Variants in NPFFR2 observed in about 807,000 individuals in gnomAD.
NPFFR2 encodes neuropeptide FF receptor 2.
NPFFR2 carries 15 observed loss-of-function variants against 13.1 expected under a neutral mutation model. The observed-to-expected ratio is 1.15, with a 90% CI of 0.77 to 1.76. The LOEUF (loss-of-function observed/expected upper bound fraction) is 1.76, where lower values mean the gene tolerates loss of function less well. Ranked by LOEUF, NPFFR2 falls within the 40% of genes most tolerant of loss-of-function variation. The probability of loss-of-function intolerance (pLI) is 0.00; values close to 1 mark genes in which losing one functional copy is unlikely to be tolerated. For missense variants in NPFFR2, 572 were observed against 503.5 expected (o/e 1.14, Z -1.30); for synonymous variants, 190 against 175.7 (o/e 1.08, Z -0.65).
At chr4:72,061,074 C>T (rs539857090) in intron 1 of NPFFR2, among the ~76,000 whole-genome samples, 4 of 152,246 alleles carry the variant, frequency 2.6e-5, no homozygotes, top group Non-Finnish European at 4.4e-5. Context: ...GGGAAAGCTG[C>T]TGCTGGCTGT....
At chr4:72,085,454 T>C (rs28375834) in intron 1 of NPFFR2, among the ~76,000 whole-genome samples, 3,961 of 152,266 alleles carry the variant, frequency 0.026, 136 homozygotes, top group African/African-American at 0.079. Context: ...ATATATTTTA[T>C]GTTTTTTCTC....
intron 1 of NPFFR2, among the ~76,000 whole-genome samples, chr4:72,103,657 C>G (rs1284676147): frequency 1.6e-4 from 25 of 151,922 alleles, no homozygotes; most frequent in Admixed American, 1.6e-3. Flanking sequence ...CAAAAAAAAT[C>G]TGTGAAGGCA....
intron 1 of NPFFR2, among the ~76,000 whole-genome samples, chr4:72,082,685 T>C (rs1282621929): frequency 6.6e-6 from 1 of 152,134 alleles, no homozygotes; most frequent in Non-Finnish European, 1.5e-5. Flanking sequence ...TCTACTATCT[T>C]AGCATTCTTA....
At chr4:72,107,961 C>CGA in intron 1 of NPFFR2, among the ~76,000 whole-genome samples, 1 of 151,900 alleles carries the variant, frequency 6.6e-6, no homozygotes, top group African/African-American at 2.4e-5. Flanking sequence ...AAACAGAGAT[C>CGA]TTACTTATTA....
intron 1 of NPFFR2, among the ~76,000 whole-genome samples, chr4:72,085,026 C>T (rs939685816): frequency 2.7e-5 from 4 of 149,164 alleles, no homozygotes; most frequent in Non-Finnish European, 5.9e-5. Flanking sequence ...GTTCTTTATT[C>T]GAGAACTATT....
At chr4:72,093,364 G>A (rs1314173452) in intron 1 of NPFFR2, among the ~76,000 whole-genome samples, 1 of 152,074 alleles carries the variant, frequency 6.6e-6, no homozygotes, top group East Asian at 1.9e-4. Context: ...TCTTGTATTT[G>A]GATGTCTAGA....
At chr4:72,103,300 T>G (rs938949257) in intron 1 of NPFFR2, among the ~76,000 whole-genome samples, 1 of 152,126 alleles carries the variant, frequency 6.6e-6, no homozygotes, top group Non-Finnish European at 1.5e-5. Flanking sequence ...GTGACAGCAT[T>G]GGCAGGAGGA....
intron 1 of NPFFR2, among the ~76,000 whole-genome samples, chr4:72,064,771 G>C (rs960141387): frequency 1.3e-5 from 2 of 152,164 alleles, no homozygotes; most frequent in Admixed American, 6.5e-5. Context: ...GAACATTTTA[G>C]TGTTCTACTG....
At chr4:72,125,515 A>T (rs1722013351) in intron 1 of NPFFR2, among the ~76,000 whole-genome samples, 1 of 152,350 alleles carries the variant, frequency 6.6e-6, no homozygotes, top group African/African-American at 2.4e-5. Flanking sequence ...CACATTTGTT[A>T]TCTTGTAGTT....
At chr4:72,127,243 G>A (rs1377193717) in intron 1 of NPFFR2, among the ~76,000 whole-genome samples, 3 of 110,806 alleles carry the variant, frequency 2.7e-5, no homozygotes, top group African/African-American at 7.2e-5. Flanking sequence ...GGTGGAGCTT[G>A]CAGTGAGCCG....
At chr4:72,049,262 T>C (rs2109763044) in intron 1 of NPFFR2, among the ~76,000 whole-genome samples, 1 of 152,262 alleles carries the variant, frequency 6.6e-6, no homozygotes, top group South Asian at 2.1e-4. Context: ...ATAGCATCTT[T>C]TGCAATCAAT....
chr4:72,045,867 G>A (rs1719364301), intron 1 of NPFFR2, among the ~76,000 whole-genome samples: 2 of 152,290 alleles, frequency 1.3e-5, no homozygotes, highest in Non-Finnish European at 1.5e-5. Context: ...TGGAAACTGT[G>A]TGTATTGATG....
intron 2 of NPFFR2, among the ~76,000 whole-genome samples, chr4:72,133,133 G>A (rs1343239305): frequency 6.6e-6 from 1 of 152,030 alleles, no homozygotes; most frequent in Non-Finnish European, 1.5e-5. Context: ...CATAGTTTTG[G>A]GTTTTACCTT....
At chr4:72,138,178 A>C in intron 3 of NPFFR2, 39 bp downstream of exon 3, 1 of 1,418,072 alleles carries the variant, frequency 7.1e-7, no homozygotes, top group Non-Finnish European at 9.9e-7. Context: ...AAAAATTGGC[A>C]TGTCTGCAAC....
intron 1 of NPFFR2, among the ~76,000 whole-genome samples, chr4:72,112,974 A>G (rs1441855339): frequency 2.6e-5 from 4 of 152,048 alleles, no homozygotes; most frequent in Non-Finnish European, 4.4e-5. Context: ...AAATTAGTGA[A>G]ATTTCCTAGA....
intron 1 of NPFFR2, among the ~76,000 whole-genome samples, chr4:72,086,872 G>A (rs961885943): frequency 7.9e-5 from 12 of 151,906 alleles, no homozygotes; most frequent in African/African-American, 2.9e-4. Context: ...TGCATCCCAT[G>A]GGAACACAAA....
intron 1 of NPFFR2, among the ~76,000 whole-genome samples, chr4:72,091,434 A>C (rs973742148): frequency 5.9e-5 from 9 of 152,134 alleles, no homozygotes; most frequent in Non-Finnish European, 1.0e-4. Context: ...GTCTGATAGA[A>C]TTCAGCTGTG....
intron 1 of NPFFR2, among the ~76,000 whole-genome samples, chr4:72,096,956 T>G (rs1721091182): frequency 6.6e-6 from 1 of 152,026 alleles, no homozygotes; most frequent in Non-Finnish European, 1.5e-5. Context: ...TGTTAAAAGT[T>G]TAAGTTGTTC....
chr4:72,119,995 AC>A lies in NPFFR2; in HGVS notation c.-7-8585del, dbSNP rs144106233. On this transcript the variant is annotated intron_variant, in intron 1 of 3. Coordinates refer to ENST00000308744, the MANE Select transcript of NPFFR2 (RefSeq NM_004885.3). Reference sequence around the variant, plus strand: ...CCAAGTGGTCTGGCTCAGTGGTCCCACCCCCACGGAGCCCAGCAAGCTAAGA... The same window carrying A: ...CCAAGTGGTCTGGCTCAGTGGTCCCACCCCACGGAGCCCAGCAAGCTAAGA... Among the ~76,000 whole-genome samples the A allele has an allele frequency of 4.3e-3, 648 of 152,102 alleles. 6 individuals are homozygous for A. Among genetic ancestry groups the A allele is most frequent in the African/African-American group, 0.015 (622 of 41,502 alleles).
Sources: gnomAD v4.1 joint callset for allele counts (sites outside exome capture counted in the v4.1 genomes callset) on GRCh38, gnomAD v4.1.1 for gene constraint, MANE v1.5 for transcripts, NCBI Gene and HGNC (gene_info 2026-07-23, HGNC 2026-07-21) for gene names.